The following ADAMTS19 variants were observed in gnomAD, a reference collection of about 807,000 sequenced individuals.
ADAMTS19 encodes the protein A disintegrin and metalloproteinase with thrombospondin motifs 19.
Under a neutral mutation model 153.3 loss-of-function variants are expected in ADAMTS19, and 93 were observed. The ratio of observed to expected loss-of-function variants is 0.61; its 90% CI spans 0.51 to 0.72. ADAMTS19 has a LOEUF of 0.72. Ranked by LOEUF, ADAMTS19 falls within the 30% of genes least tolerant of loss-of-function variation. ADAMTS19 has a pLI of 0.00. For missense variants in ADAMTS19, 1,482 were observed against 1,552.1 expected (o/e 0.95, Z 0.76); for synonymous variants, 600 against 556.6 (o/e 1.08, Z -1.10).
At chr5:129,484,850 A>C (rs1415710170) in intron 2 of ADAMTS19, among the ~76,000 whole-genome samples, 2 of 152,114 alleles carry the variant, frequency 1.3e-5, no homozygotes, top group African/African-American at 4.8e-5. Context: ...GGTGATTATA[A>C]TACTTCATCC....
chr5:129,477,905 T>C (rs1357813521), intron 2 of ADAMTS19, among the ~76,000 whole-genome samples: 1 of 152,232 alleles, frequency 6.6e-6, no homozygotes, highest in Non-Finnish European at 1.5e-5. Context: ...CTGTAGAAGA[T>C]ACACATTCAA....
intron 7 of ADAMTS19, among the ~76,000 whole-genome samples, chr5:129,592,377 CAAAAAAAAA>C (rs1169388973): frequency 7.9e-4 from 63 of 79,570 alleles, no homozygotes; most frequent in Non-Finnish European, 7.0e-4. Flanking sequence ...GTCTCCGTTT[CAAAAAAAAA>C]AAAAAAAAAA....
intron 2 of ADAMTS19, among the ~76,000 whole-genome samples, chr5:129,496,867 T>C (rs1484321840): frequency 1.3e-5 from 2 of 152,092 alleles, no homozygotes; most frequent in Non-Finnish European, 1.5e-5. Flanking sequence ...TAAGAAATAA[T>C]ATAGGTCAAA....
chr5:129,581,357 T>G (rs536496649), intron 7 of ADAMTS19, among the ~76,000 whole-genome samples: 1 of 151,974 alleles, frequency 6.6e-6, no homozygotes, highest in African/African-American at 2.4e-5. Flanking sequence ...GGAATTTATC[T>G]ATTTCTTCTA....
At chr5:129,542,868 C>G (rs1360205167) in intron 6 of ADAMTS19, among the ~76,000 whole-genome samples, 1 of 152,120 alleles carries the variant, frequency 6.6e-6, no homozygotes, top group African/African-American at 2.4e-5. Flanking sequence ...TACTTTTCAA[C>G]ATCCATTCTG....
intron 2 of ADAMTS19, among the ~76,000 whole-genome samples, chr5:129,508,676 T>C (rs372996691): frequency 7.2e-5 from 11 of 152,098 alleles, no homozygotes; most frequent in African/African-American, 2.4e-4. Context: ...TGAATTACTT[T>C]ATTAAATAAT....
chr5:129,702,623 T>C (rs2127163058), intron 20 of ADAMTS19, among the ~76,000 whole-genome samples: 1 of 152,252 alleles, frequency 6.6e-6, no homozygotes, highest in Admixed American at 6.5e-5. Flanking sequence ...ATGGATTCTT[T>C]TTCATTTATA....
Position 129,461,514 on chromosome 5 carries a change from C to A in ADAMTS19, c.504C>A (p.Gly168=), listed in dbSNP as rs1387700488. The part of the protein sequence containing the change: ...PPPAQHAEPD[G]DEVLLRIPAF... Reference sequence around the variant, plus strand: ...CGGCCCAGCATGCCGAGCCGGATGGCGACGAAGTGTTGCTGCGGATCCCGG... The same window carrying A: ...CGGCCCAGCATGCCGAGCCGGATGGAGACGAAGTGTTGCTGCGGATCCCGG... Residue 168 remains glycine, a synonymous_variant, in exon 2 of 23, where the codon GGC becomes GGA. Transcript: ENST00000274487. The surrounding 1 kb of genome is among the most constrained non-coding windows in gnomAD (Gnocchi z 4.6). 3 of 1,517,402 alleles carry A rather than the reference C, an allele frequency of 2.0e-6. No individual in the cohort carries two copies. The East Asian group carries it at 8.0e-5, about 40-fold the overall frequency. The allele number at this position is 1,517,402 out of a possible 1,614,324, so 94.0% of individuals were successfully genotyped here. A position where few individuals can be genotyped will look rare whatever the true frequency, so the allele number is the denominator to read the frequency against.
chr5:129,476,415 A>G (rs1400452348), intron 2 of ADAMTS19, among the ~76,000 whole-genome samples: 1 of 152,030 alleles, frequency 6.6e-6, no homozygotes, highest in Non-Finnish European at 1.5e-5. Flanking sequence ...TTTCAGTCCT[A>G]CTGCTATGAG....
At chr5:129,714,326 G>A (rs1358870472) in intron 21 of ADAMTS19, among the ~76,000 whole-genome samples, 2 of 150,326 alleles carry the variant, frequency 1.3e-5, no homozygotes, top group Non-Finnish European at 3.0e-5. Flanking sequence ...GGCTGAGGCA[G>A]GAGAATGGCG....
At chr5:129,460,586 G>T in intron 1 of ADAMTS19, 104 bp downstream of exon 1, 1 of 1,271,700 alleles carries the variant, frequency 7.9e-7, no homozygotes, top group South Asian at 1.2e-5. Flanking sequence ...GGAGAGCAGG[G>T]CTCAGTGGGT....
intron 10 of ADAMTS19, among the ~76,000 whole-genome samples, chr5:129,635,624 C>T (rs1329769887): frequency 6.6e-6 from 1 of 152,126 alleles, no homozygotes; most frequent in East Asian, 1.9e-4. Flanking sequence ...GAAGTGGAGC[C>T]ATTATTATTA....
At chr5:129,571,234 C>T (rs1387084603) in intron 7 of ADAMTS19, among the ~76,000 whole-genome samples, 6 of 151,736 alleles carry the variant, frequency 4.0e-5, no homozygotes, top group Non-Finnish European at 8.8e-5. Context: ...AAGATTAACC[C>T]ACAAAAATCT....
Position 129,684,292 on chromosome 5 carries a change from T to G in ADAMTS19, c.2818+19T>G. The G allele has an allele frequency of 6.2e-7, 1 of 1,612,144 alleles. No individual in the cohort carries two copies. The highest frequency in any genetic ancestry group is 8.5e-7 in the Non-Finnish European group (1 of 1,179,164). On this transcript the variant is annotated intron_variant, in intron 18 of 22. Coordinates refer to ENST00000274487, the MANE Select transcript of ADAMTS19 (RefSeq NM_133638.6). Reference sequence around the variant, plus strand: ...GGAGGAGGTGAAGGATTTTTAAACATTTATCTTTCCAAAACATCAGTTGTT... The same window carrying G: ...GGAGGAGGTGAAGGATTTTTAAACAGTTATCTTTCCAAAACATCAGTTGTT...
Position 129,647,796 on chromosome 5 carries a change from C to A in ADAMTS19, c.1904C>A (p.Thr635Asn). 1 of 1,614,068 alleles carries A rather than the reference C, an allele frequency of 6.2e-7. No homozygotes were observed. The highest frequency in any genetic ancestry group is 2.2e-5 in the East Asian group (1 of 44,884). The change falls in exon 12 of 23, where the codon ACC (threonine) becomes AAC (asparagine). Residue 635 changes from threonine (T) to asparagine (N), a missense_variant. Transcript: ENST00000274487. The stretch of plus-strand genomic sequence containing the variant: ...AAGGCTGGAGAATGTACCAGCAGGA[C>A]CTCAGCACCTGAACATCTGGCCGGA... ...WCKAGECTSR[T>N]SAPEHLAGEW...
In ADAMTS19 at chr5:129,461,446, T is replaced by C; in HGVS notation, c.436T>C (p.Trp146Arg). ...AALSPGAPAS[W>R]QPPPPPQPPP... ...CTTGTCCCCGGGCGCCCCGGCCTCG[T>C]GGCAGCCGCCGCCTCCCCCGCAGCC... Residue 146 changes from tryptophan to arginine, a missense_variant, in exon 2 of 23, where the codon TGG (tryptophan) becomes CGG (arginine). This residue lies in a region of ADAMTS19 where 866 missense variants were observed against 827.7 expected (regional missense o/e 1.05). Coordinates refer to ENST00000274487, the MANE Select transcript of ADAMTS19 (RefSeq NM_133638.6). This position sits in a 1 kb window ranked among gnomAD's most constrained non-coding sequence, Gnocchi z 4.6. 2.1e-6 allele frequency: 3 copies of C among 1,437,798 alleles called. No homozygotes were observed. In the South Asian group the frequency reaches 4.4e-5, roughly 21 times the overall value. The allele number at this position is 1,437,798 out of a possible 1,614,324, so 89.1% of individuals were successfully genotyped here.
chr5:129,586,633 T>C (rs957110982), intron 7 of ADAMTS19, among the ~76,000 whole-genome samples: 1 of 152,238 alleles, frequency 6.6e-6, no homozygotes, highest in South Asian at 2.1e-4. Context: ...GGATTTTGTA[T>C]GGACATAAAT....
chr5:129,643,442 C>T (rs1752917422), intron 11 of ADAMTS19, among the ~76,000 whole-genome samples: 1 of 149,638 alleles, frequency 6.7e-6, no homozygotes, highest in Admixed American at 6.6e-5. Context: ...GAAGTTACCT[C>T]TTGGGAGGGA....
chr5:129,523,818 C>G (rs1561550327), intron 3 of ADAMTS19, among the ~76,000 whole-genome samples: 1 of 151,668 alleles, frequency 6.6e-6, no homozygotes, highest in African/African-American at 2.4e-5. Context: ...AGAGAGGACA[C>G]AAACAAATGA....
Sources: gnomAD v4.1 joint callset for allele counts (sites outside exome capture counted in the v4.1 genomes callset) on GRCh38, gnomAD v4.1.1 for gene constraint, gnomAD v4.1.1 regional missense constraint, Gnocchi (gnomAD v3.1) non-coding constraint, MANE v1.5 for transcripts, NCBI Gene and HGNC (gene_info 2026-07-23, HGNC 2026-07-21) for gene names.